KHSRP: variants seen among roughly 807,000 people sequenced by gnomAD.
KHSRP encodes far upstream element-binding protein 2.
In KHSRP, 13 loss-of-function variants were observed where a neutral mutation model predicts 94.9. The observed-to-expected ratio is 0.14, with a 90% CI of 0.09 to 0.22. The LOEUF (loss-of-function observed/expected upper bound fraction) is 0.22. Ranked by LOEUF, KHSRP falls within the 10% of genes least tolerant of loss-of-function variation. The pLI is 1.00. For synonymous variants in KHSRP, 495 were observed against 401.4 expected (o/e 1.23, Z -2.79); for missense variants, 710 against 1,010.0 (o/e 0.70, Z 4.03).
rs766514395 is a variant in KHSRP at position 6,414,109 on chromosome 19, G to A, written c.*915C>T. Reference sequence around the variant, plus strand: ...CAGATGAAGAAGTTCACATTCATTCGATTCATTGAGCCTGCGGAGAGGGAA... The same window carrying A: ...CAGATGAAGAAGTTCACATTCATTCAATTCATTGAGCCTGCGGAGAGGGAA... On this transcript the variant is annotated 3_prime_UTR_variant, in exon 19 of 19. Transcript: ENST00000600480. 7 of 1,424,106 alleles carry A rather than the reference G, an allele frequency of 4.9e-6. No individual in the cohort carries two copies. In the South Asian group the frequency reaches 5.7e-5, roughly 12 times the overall value. The allele number at this position is 1,424,106 out of a possible 1,614,324, so 88.2% of individuals were successfully genotyped here. A position where few individuals can be genotyped will look rare whatever the true frequency, so the allele number is the denominator to read the frequency against.
In KHSRP at chr19:6,415,701, G is replaced by A. The variant is rs1473103231; in HGVS notation, c.1721C>T (p.Ala574Val). The part of the protein sequence containing the change: ...KAAAAAADPN[A>V]AWAAYYSHYY... ...GTGTGAGTAGTAGGCGGCCCACGCG[G>A]CGTTGGGGTCCGCGGCCGCTGCAGC... is the stretch of plus-strand genomic sequence containing the variant. Residue 574 changes from alanine to valine, a missense_variant, in exon 17 of 19, where the codon GCC becomes GTC. By Grantham distance (64) the Ala-to-Val change is moderately conservative (BLOSUM62 0). Transcript: ENST00000600480. 1.9e-6 allele frequency: 3 copies of A among 1,549,146 alleles called. No homozygotes were observed. The highest frequency in any genetic ancestry group is 2.6e-6 in the Non-Finnish European group (3 of 1,146,852).
Position 6,414,965 on chromosome 19 carries a change from C to T in KHSRP, c.*59G>A, listed in dbSNP as rs760349869. ...TAACCTCTGGACCCAGCGAATGCTTCCCTGGCGGTGCGTGGGGACTCCCGG... is the reference window on the plus strand; with the variant it reads ...TAACCTCTGGACCCAGCGAATGCTTTCCTGGCGGTGCGTGGGGACTCCCGG... On this transcript the variant is annotated 3_prime_UTR_variant, in exon 19 of 19. Transcript: ENST00000600480. 1.4e-6 allele frequency: 2 copies of T among 1,435,344 alleles called. No homozygotes were observed. The highest frequency in any genetic ancestry group is 2.5e-5 in the East Asian group (1 of 39,960). The allele number at this position is 1,435,344 out of a possible 1,614,324, so 88.9% of individuals were successfully genotyped here.
chr19:6,420,201 T>C (rs2145121571), intron 5 of KHSRP, 57 bp from the exon 6 acceptor site: 1 of 1,492,722 alleles, frequency 6.7e-7, no homozygotes, highest in African/African-American at 1.4e-5. Flanking sequence ...AGCCCAGGCC[T>C]CAGGAGACTG....
chr19:6,415,290 T>G lies in KHSRP; in HGVS notation c.1978A>C (p.Thr660Pro). The G allele has an allele frequency of 6.2e-7, 1 of 1,613,092 alleles. No individual in the cohort carries two copies. The highest frequency in any genetic ancestry group is 1.7e-4 in the Middle Eastern group (1 of 6,058). Residue 660 changes from threonine (T) to proline (P), a missense_variant, in exon 19 of 19, where the codon ACC (threonine) becomes CCC (proline). Thr to Pro is a conservative substitution (Grantham distance 38). This residue lies in a region of KHSRP where 292 missense variants were observed against 340.5 expected (regional missense o/e 0.86). Transcript: ENST00000600480. The part of the protein sequence containing the change: ...EYYKKQAQVA[T>P]GGGPGAPPGS... ...GGGGGAGCTCCTGGACCCCCTCCGG[T>G]GGCCACTTGCGCTGTGGGTGGACAA...
rs759458252 is a variant in KHSRP, at chr19:6,415,232, G to A, written c.2036C>T (p.Ala679Val). ...AGCGGCCTGCTGTCTGTAATATTCC[G>A]CCCAGGCGGCACTGTAGTCTGGCTG... The part of the protein sequence containing the change: ...GSQPDYSAAW[A>V]EYYRQQAAYY... Residue 679 changes from alanine to valine, a missense_variant, in exon 19 of 19, where the codon GCG (alanine) becomes GTG (valine). Ala to Val is a moderately conservative substitution (Grantham distance 64, BLOSUM62 0). Coordinates refer to ENST00000600480, the MANE Select transcript of KHSRP (RefSeq NM_001366299.1). The A allele has an allele frequency of 1.1e-5, 17 of 1,612,472 alleles. No individual in the cohort carries two copies. The highest frequency in any genetic ancestry group is 5.0e-5 in the Admixed American group (3 of 59,996).
rs780402105 is a variant in KHSRP at position 6,413,941 on chromosome 19, T to G, written c.*1083A>C. On this transcript the variant is annotated 3_prime_UTR_variant, in exon 19 of 19. Transcript: ENST00000600480. ...GTGAGACACAGAACAGGCGAGAGAGTGAGGGCCCGGCATGCCCCCAAGTCC... is the reference window on the plus strand; with the variant it reads ...GTGAGACACAGAACAGGCGAGAGAGGGAGGGCCCGGCATGCCCCCAAGTCC... The G allele has an allele frequency of 2.4e-5, 19 of 784,488 alleles. No homozygotes were observed. Among genetic ancestry groups the G allele is most frequent in the African/African-American group, 5.4e-5 (3 of 55,322 alleles). The allele number at this position is 784,488 out of a possible 1,614,324, so 48.6% of individuals were successfully genotyped here.
intron 4 of KHSRP, 110 bp downstream of exon 4, chr19:6,421,168 G>T: frequency 1.0e-6 from 1 of 996,742 alleles, no homozygotes; most frequent in Non-Finnish European, 1.5e-6. Context: ...CTGGCACTGG[G>T]GGATAAAACC....
At chr19:6,419,073 T>A (rs1295247660) in intron 7 of KHSRP, 130 bp downstream of exon 7, 1 of 1,135,652 alleles carries the variant, frequency 8.8e-7, no homozygotes, top group Non-Finnish European at 1.3e-6. Context: ...CATGTTAACA[T>A]GGCTGTCTGG....
In KHSRP at chr19:6,416,578, T is replaced by C. The variant is rs368881107; in HGVS notation, c.1400A>G (p.Asn467Ser). Reference sequence around the variant, plus strand: ...GAACAACTTGAAGTTGGGGTCCCCGTTGGGTGGCAGCTGCCGGGAGATCTC... The same window carrying C: ...GAACAACTTGAAGTTGGGGTCCCCGCTGGGTGGCAGCTGCCGGGAGATCTC... ...FVEISRQLPP[N>S]GDPNFKLFII... The change falls in exon 14 of 19, where the codon AAC (asparagine) becomes AGC (serine). Residue 467 changes from asparagine (N) to serine (S), a missense_variant. Asn to Ser is a conservative substitution (Grantham distance 46, BLOSUM62 1). This residue lies in a region of KHSRP where 37 missense variants were observed against 61.1 expected (regional missense o/e 0.61). Transcript: ENST00000600480. The C allele has an allele frequency of 8.1e-6, 13 of 1,613,748 alleles. No homozygotes were observed. The highest frequency in any genetic ancestry group is 3.3e-5 in the Admixed American group (2 of 60,008).
At position 6,415,307 on chromosome 19, in the gene KHSRP, G is replaced by A; in HGVS notation, c.1967-6C>T. 1 of 1,613,348 alleles carries A rather than the reference G, an allele frequency of 6.2e-7. No individual in the cohort carries two copies. On this transcript the variant is annotated splice_polypyrimidine_tract_variant and splice_region_variant and intron_variant, in intron 18 of 18. Coordinates refer to ENST00000600480, the MANE Select transcript of KHSRP (RefSeq NM_001366299.1). ...CCCTCCGGTGGCCACTTGCGCTGTG[G>A]GTGGACAAAGGCAGGTGAGAGGCTG...
intron 1 of KHSRP, among the ~76,000 whole-genome samples, chr19:6,423,715 C>A (rs1043712088): frequency 6.6e-6 from 1 of 152,212 alleles, no homozygotes; most frequent in East Asian, 1.9e-4. Flanking sequence ...AGGAGCCGGT[C>A]GGCGGCAAAG....
rs35757137 is a variant in KHSRP, at chr19:6,413,825, GTTTT to G, written c.*1195_*1198del. Reference sequence around the variant, plus strand: ...TGCTCTTTGTGTTTTTAATTTTTAAGTTTTTTTTTTTTTTTGGCAGAGATTTAGA... The same window carrying G: ...TGCTCTTTGTGTTTTTAATTTTTAAGTTTTTTTTTTTGGCAGAGATTTAGA... On this transcript the variant is annotated 3_prime_UTR_variant, in exon 19 of 19. Transcript: ENST00000600480. The G allele has an allele frequency of 2.5e-5, 4 of 159,598 alleles. No homozygotes were observed. Among genetic ancestry groups the G allele is most frequent in the Admixed American group, 7.2e-5 (1 of 13,962 alleles). 9.9% of individuals were successfully genotyped at this position (159,598 alleles called of 1,614,324 possible). A position where few individuals can be genotyped will look rare whatever the true frequency, so the allele number is the denominator to read the frequency against.
chr19:6,415,980 T>C (rs1568341583), intron 15 of KHSRP, 84 bp from the exon 16 acceptor site: 4 of 883,670 alleles, frequency 4.5e-6, no homozygotes, highest in Non-Finnish European at 6.8e-6. Flanking sequence ...TGTTTTTCAG[T>C]GGGGAGGCGC....
chr19:6,419,107 A>G (rs1485386908), intron 7 of KHSRP, 96 bp downstream of exon 7: 5 of 1,248,202 alleles, frequency 4.0e-6, no homozygotes, highest in Admixed American at 4.5e-5. Flanking sequence ...AATGGAGGAC[A>G]TGGCGTGCAA....
Position 6,419,276 on chromosome 19 carries a change from AG to A in KHSRP, c.548-17del. The stretch of plus-strand genomic sequence containing the variant: ...CCACCGCTGTCTGAAAAGAGGAGAT[AG>A]AGTCAGTGCCCTCCCTGGCCCACAG... On this transcript the variant is annotated splice_polypyrimidine_tract_variant and intron_variant, in intron 6 of 18. Coordinates refer to ENST00000600480, the MANE Select transcript of KHSRP (RefSeq NM_001366299.1). 1 of 1,549,550 alleles carries A rather than the reference AG, an allele frequency of 6.5e-7. No homozygotes were observed. The highest frequency in any genetic ancestry group is 1.2e-5 in the South Asian group (1 of 83,822).
chr19:6,424,763 G>A lies in KHSRP; in HGVS notation c.-62C>T, dbSNP rs929169656. ...CTGAGGAGGCGGCGGCGGCGGCGGCGGCTCAACGCGGGAACAAGGCCTCGC... is the reference window on the plus strand; with the variant it reads ...CTGAGGAGGCGGCGGCGGCGGCGGCAGCTCAACGCGGGAACAAGGCCTCGC... On this transcript the variant is annotated 5_prime_UTR_variant, in exon 1 of 19. Coordinates refer to ENST00000600480, the MANE Select transcript of KHSRP (RefSeq NM_001366299.1). The A allele has an allele frequency of 1.4e-6, 1 of 723,742 alleles. No individual in the cohort carries two copies. The highest frequency in any genetic ancestry group is 6.0e-5 in the South Asian group (1 of 16,732). The allele number at this position is 723,742 out of a possible 1,614,324, so 44.8% of individuals were successfully genotyped here. A position where few individuals can be genotyped will look rare whatever the true frequency, so the allele number is the denominator to read the frequency against.
intron 6 of KHSRP, among the ~76,000 whole-genome samples, 196 bp from the exon 7 acceptor site, chr19:6,419,456 G>C (rs1039089423): frequency 6.6e-6 from 1 of 152,230 alleles, no homozygotes; most frequent in Non-Finnish European, 1.5e-5. Context: ...TCCCAGAAGG[G>C]AGGTAGGACT....
rs1317288431 is a variant in KHSRP, at chr19:6,420,287, G to A, written c.475+135C>T. 5.2e-6 allele frequency: 6 copies of A among 1,149,844 alleles called. No homozygotes were observed. The South Asian group carries it at 6.5e-5, about 13-fold the overall frequency. The allele number at this position is 1,149,844 out of a possible 1,614,324, so 71.2% of individuals were successfully genotyped here. On this transcript the variant is annotated intron_variant, in intron 5 of 18. Coordinates refer to ENST00000600480, the MANE Select transcript of KHSRP (RefSeq NM_001366299.1). ...AGAGAGCTCCTGTCCTCTGCCCAGAGGGGACGAAGGAGGGACAAATGAGAA... is the reference window on the plus strand; with the variant it reads ...AGAGAGCTCCTGTCCTCTGCCCAGAAGGGACGAAGGAGGGACAAATGAGAA...
intron 11 of KHSRP, 33 bp from the exon 12 acceptor site, chr19:6,417,120 G>A: frequency 6.4e-7 from 1 of 1,554,408 alleles, no homozygotes; most frequent in Non-Finnish European, 8.7e-7. Context: ...AGAGACACAA[G>A]TTTAAAAGAA....
Sources: allele counts gnomAD v4.1 joint callset (sites outside exome capture counted in the v4.1 genomes callset), GRCh38; gene constraint gnomAD v4.1.1; regional missense constraint gnomAD v4.1.1; transcripts MANE v1.5; gene names NCBI Gene and HGNC (gene_info 2026-07-23, HGNC 2026-07-21).